The following ATG7 variants were observed in gnomAD, a reference collection of about 807,000 sequenced individuals.
ATG7 encodes the protein autophagy related 7, also known as ubiquitin-like modifier-activating enzyme ATG7.
A neutral mutation model predicts 82.4 loss-of-function variants in ATG7; 70 were observed. The ratio of observed to expected loss-of-function variants is 0.85; its 90% CI spans 0.70 to 1.04. The LOEUF (loss-of-function observed/expected upper bound fraction) is 1.04, where lower values mean the gene tolerates loss of function less well. Ranked by LOEUF, ATG7 falls within the 50% of genes least tolerant of loss-of-function variation. ATG7 has a pLI of 0.00. For missense variants in ATG7, 792 were observed against 864.3 expected (o/e 0.92, Z 1.05); for synonymous variants, 287 against 313.0 (o/e 0.92, Z 0.88).
rs1575271948 is a variant in ATG7, at chr3:11,544,663, G to A, written c.2080-10148G>A. Among the ~76,000 whole-genome samples, 7 of 152,258 alleles carry A rather than the reference G, an allele frequency of 4.6e-5. No individual in the cohort carries two copies. In the South Asian group the frequency reaches 1.4e-3, roughly 31 times the overall value. ...TCTGGGCCCTGGAGTCCAAGGGCCTGACGTGCTGGAGTCCTCAGAAGCCAG... is the reference window on the plus strand; with the variant it reads ...TCTGGGCCCTGGAGTCCAAGGGCCTAACGTGCTGGAGTCCTCAGAAGCCAG... On this transcript the variant is annotated intron_variant, in intron 20 of 20. Coordinates refer to ENST00000693202, the MANE Select transcript of ATG7 (RefSeq NM_001349232.2).
chr3:11,286,817 C>T (rs563175503), intron 3 of ATG7, among the ~76,000 whole-genome samples: 1 of 152,038 alleles, frequency 6.6e-6, no homozygotes, highest in Admixed American at 6.5e-5. Context: ...GTTGCCCAGG[C>T]TGGTCTCAAA....
intron 20 of ATG7, among the ~76,000 whole-genome samples, chr3:11,483,522 T>A (rs1259344661): frequency 6.6e-6 from 1 of 152,182 alleles, no homozygotes; most frequent in Non-Finnish European, 1.5e-5. Flanking sequence ...CCTTCCGATG[T>A]GCGAATGTCA....
chr3:11,539,678 TCC>T (rs1233775834), intron 20 of ATG7, among the ~76,000 whole-genome samples: 2 of 152,180 alleles, frequency 1.3e-5, no homozygotes, highest in Admixed American at 6.5e-5. Context: ...ATTGTGAAAC[TCC>T]CCCCGTCTTA....
intron 20 of ATG7, among the ~76,000 whole-genome samples, chr3:11,468,708 A>AC (rs2087091841): frequency 6.6e-6 from 1 of 152,114 alleles, no homozygotes; most frequent in Non-Finnish European, 1.5e-5. Flanking sequence ...TGCCTGTGGG[A>AC]CCACAGGTGG....
At chr3:11,566,352 T>G in the ATG7 span, among the ~76,000 whole-genome samples, 39 of 152,220 alleles carry the variant, frequency 2.6e-4, no homozygotes, top group Admixed American at 2.6e-3. Flanking sequence ...GGTGACATCT[T>G]GTAAAACTAC....
chr3:11,422,287 T>C (rs1304841526), intron 19 of ATG7, among the ~76,000 whole-genome samples: 1 of 152,262 alleles, frequency 6.6e-6, no homozygotes, highest in South Asian at 2.1e-4. Context: ...ATCTGTTGTT[T>C]AGCCACATTT....
chr3:11,543,003 G>A (rs1355316923), intron 20 of ATG7, among the ~76,000 whole-genome samples: 1 of 152,084 alleles, frequency 6.6e-6, no homozygotes, highest in Admixed American at 6.5e-5. Context: ...GCCCACACGT[G>A]TGCACAGGCC....
chr3:11,528,084 A>G (rs1338614883), intron 20 of ATG7, among the ~76,000 whole-genome samples: 1 of 152,166 alleles, frequency 6.6e-6, no homozygotes, highest in African/African-American at 2.4e-5. Flanking sequence ...TTGCCTTCTC[A>G]TGTTGGGGAC....
intron 19 of ATG7, among the ~76,000 whole-genome samples, chr3:11,402,548 T>G (rs566471191): frequency 2.0e-5 from 3 of 152,384 alleles, no homozygotes; most frequent in African/African-American, 7.2e-5. Context: ...GCTGTGGATT[T>G]GACCTAGGTT....
chr3:11,495,806 C>T (rs929687345), intron 20 of ATG7, among the ~76,000 whole-genome samples: 2 of 152,202 alleles, frequency 1.3e-5, no homozygotes, highest in African/African-American at 4.8e-5. Flanking sequence ...TAGCCACTAG[C>T]ACACATTTTC....
the ATG7 span, among the ~76,000 whole-genome samples, chr3:11,574,909 T>C: frequency 1.5e-3 from 221 of 150,790 alleles, 2 homozygotes; most frequent in Admixed American, 5.4e-3. Flanking sequence ...CCCCATCTTA[T>C]GCGCCTACAT....
intron 20 of ATG7, among the ~76,000 whole-genome samples, chr3:11,432,423 C>T (rs565820308): frequency 6.6e-4 from 99 of 150,922 alleles, no homozygotes; most frequent in African/African-American, 2.2e-3. Flanking sequence ...TGCCATTTGC[C>T]TTTGCTAATG....
chr3:11,550,687 C>G (rs982046472), intron 20 of ATG7, among the ~76,000 whole-genome samples: 1 of 152,102 alleles, frequency 6.6e-6, no homozygotes, highest in African/African-American at 2.4e-5. Context: ...CATGCCTGGC[C>G]TCTCTTCTTG....
chr3:11,412,593 T>C (rs529244796), intron 19 of ATG7, among the ~76,000 whole-genome samples: 1 of 152,336 alleles, frequency 6.6e-6, no homozygotes, highest in Admixed American at 6.5e-5. Context: ...AGCTTTGTAG[T>C]AAGTTTGGAA....
At chr3:11,359,167 A>G (rs2076124599) in intron 15 of ATG7, among the ~76,000 whole-genome samples, 1 of 152,176 alleles carries the variant, frequency 6.6e-6, no homozygotes, top group South Asian at 2.1e-4. Flanking sequence ...GAGAGGAGAA[A>G]GAGGACAAGA....
chr3:11,464,544 C>A (rs2086646771), intron 20 of ATG7, among the ~76,000 whole-genome samples: 1 of 152,198 alleles, frequency 6.6e-6, no homozygotes. Flanking sequence ...TCTGCTCCCA[C>A]CAGCTGAGGC....
chr3:11,535,610 CA>C (rs1167853866), intron 20 of ATG7, among the ~76,000 whole-genome samples: 1 of 152,142 alleles, frequency 6.6e-6, no homozygotes, highest in Non-Finnish European at 1.5e-5. Flanking sequence ...AGCTCTTCAG[CA>C]GTGGACTTGA....
intron 13 of ATG7, 107 bp downstream of exon 13, chr3:11,342,386 C>A (rs1953790610): frequency 7.6e-7 from 1 of 1,307,946 alleles, no homozygotes; most frequent in South Asian, 1.5e-5. Flanking sequence ...TCCCCTCCAT[C>A]TCTCCCTCCC....
intron 20 of ATG7, among the ~76,000 whole-genome samples, chr3:11,452,158 C>T (rs1406338055): frequency 6.6e-6 from 1 of 151,686 alleles, no homozygotes; most frequent in Non-Finnish European, 1.5e-5. Flanking sequence ...CTGAGGCAGG[C>T]AGATTACCCT....
Sources: allele counts gnomAD v4.1 joint callset (sites outside exome capture counted in the v4.1 genomes callset), GRCh38; gene constraint gnomAD v4.1.1; transcripts MANE v1.5; gene names NCBI Gene and HGNC (gene_info 2026-07-23, HGNC 2026-07-21).